Variants in DNAH7 observed in about 807,000 individuals in gnomAD.
DNAH7 encodes the protein axonemal beta dynein heavy chain 7.
Under a neutral mutation model 444.6 loss-of-function variants are expected in DNAH7, and 397 were observed. The observed-to-expected ratio is 0.89, with a 90% confidence interval of 0.82 to 0.97. The LOEUF (loss-of-function observed/expected upper bound fraction) is 0.97. DNAH7 is among the 50% of genes least tolerant of loss of function. The pLI, the probability that DNAH7 is intolerant of heterozygous loss-of-function variation, is 0.00. For synonymous variants in DNAH7, 1,636 were observed against 1,624.4 expected (o/e 1.01, Z -0.17); for missense variants, 4,902 against 4,800.8 (o/e 1.02, Z -0.62).
At chr2:195,749,211 GC>G (rs1693626000) in intron 63 of DNAH7, among the ~76,000 whole-genome samples, 1 of 152,206 alleles carries the variant, frequency 6.6e-6, no homozygotes, top group East Asian at 1.9e-4. Context: ...CATTTATGCA[GC>G]CAAAAACCAC....
rs868362880 is a variant in DNAH7, at chr2:195,941,086, G to A, written c.3079-4294C>T. The stretch of plus-strand genomic sequence containing the variant: ...CCACAAGCACACGTATGTTTATTGC[G>A]GTACTATTCACAATAGCAAAGACTT... On this transcript the variant is annotated intron_variant, in intron 19 of 64. Coordinates refer to ENST00000312428, the MANE Select transcript of DNAH7 (RefSeq NM_018897.3). 3.3e-5 allele frequency among the ~76,000 whole-genome samples: 5 copies of A among 151,962 alleles called. No homozygotes were observed. The East Asian group carries it at 5.8e-4, about 18-fold the overall frequency.
chr2:195,768,180 TATATATATCTTTTATATATATATTATAA>T (rs1311468612), intron 61 of DNAH7, among the ~76,000 whole-genome samples: 1 of 147,838 alleles, frequency 6.8e-6, no homozygotes, highest in Non-Finnish European at 1.5e-5. Context: ...ATATCTTTAA[TATATATATCTTTTATATATATATTATAA>T]ATATATATCT....
At position 196,018,060 on chromosome 2, in the gene DNAH7, AC is replaced by A. The variant is rs1423198417; in HGVS notation, c.869+1109del. Among the ~76,000 whole-genome samples, 3 of 152,158 alleles carry A rather than the reference AC, an allele frequency of 2.0e-5. No homozygotes were observed. The East Asian group carries it at 5.8e-4, about 29-fold the overall frequency. The stretch of plus-strand genomic sequence containing the variant: ...ATTTGTTTCAGGTACTAGACACAGA[AC>A]TGAAACCTCTGTTATTCTAAGAGGT... On this transcript the variant is annotated intron_variant, in intron 9 of 64. Coordinates refer to ENST00000312428, the MANE Select transcript of DNAH7 (RefSeq NM_018897.3).
At chr2:195,865,279 T>C (rs1235625705) in intron 40 of DNAH7, among the ~76,000 whole-genome samples, 1 of 152,170 alleles carries the variant, frequency 6.6e-6, no homozygotes, top group Non-Finnish European at 1.5e-5. Flanking sequence ...CTGAAGCAGA[T>C]GTAGAGATGC....
At position 195,834,259 on chromosome 2, in the gene DNAH7, C is replaced by T; in HGVS notation, c.9047G>A (p.Ser3016Asn). 1 of 1,608,694 alleles carries T rather than the reference C, an allele frequency of 6.2e-7. No homozygotes were observed. The highest frequency in any genetic ancestry group is 8.5e-7 in the Non-Finnish European group (1 of 1,175,856). The change falls in exon 48 of 65, where the codon AGT (serine) becomes AAT (asparagine). Residue 3016 changes from serine to asparagine, a missense_variant. Physicochemically the swap from Ser to Asn is conservative, Grantham distance 46. Coordinates refer to ENST00000312428, the MANE Select transcript of DNAH7 (RefSeq NM_018897.3). ...CAGAGTCCTGACATAGTCAGGTTCA[C>T]TAAGTTTAATCACATAAAGACTATT... Reference protein sequence around the residue: ...KANSLYVIKLSEPDYVRTLEN... With the variant: ...KANSLYVIKLNEPDYVRTLEN...
chr2:195,857,480 T>A lies in DNAH7; in HGVS notation c.8311A>T (p.Asn2771Tyr). The change falls in exon 44 of 65, where the codon AAT (asparagine) becomes TAT (tyrosine). Residue 2771 changes from asparagine to tyrosine, a missense_variant. Physicochemically the swap from Asn to Tyr is moderately radical, Grantham distance 143. Transcript: ENST00000312428. ...ACAAAATCTGGATTTGGAATATAAT[T>A]TTTTCTTATGATATTCATATAAGCT... ...PPAYMNIIRK[N>Y]YIPNPDFVPE... 6.2e-7 allele frequency: 1 copy of A among 1,613,618 alleles called. No homozygotes were observed.
At chr2:196,038,933 G>T (rs1346348388) in intron 5 of DNAH7, among the ~76,000 whole-genome samples, 1 of 152,078 alleles carries the variant, frequency 6.6e-6, no homozygotes, top group African/African-American at 2.4e-5. Flanking sequence ...ACAATAGAAA[G>T]GGACTTTAAT....
At position 195,749,949 on chromosome 2, in the gene DNAH7, T is replaced by A. The variant is rs1424991984; in HGVS notation, c.11764+4388A>T. 7.3e-5 allele frequency among the ~76,000 whole-genome samples: 11 copies of A among 151,690 alleles called. No homozygotes were observed. In the East Asian group the frequency reaches 2.1e-3, roughly 30 times the overall value. ...TATACATATGTAACTAACCTGCACA[T>A]TGTGCACATGTACTCTAAAACTTAA... is the stretch of plus-strand genomic sequence containing the variant. On this transcript the variant is annotated intron_variant, in intron 63 of 64. Coordinates refer to ENST00000312428, the MANE Select transcript of DNAH7 (RefSeq NM_018897.3).
chr2:196,038,819 T>G (rs1607604), intron 5 of DNAH7, among the ~76,000 whole-genome samples: 73,312 of 151,958 alleles, frequency 0.48, 20,341 homozygotes, highest in South Asian at 0.64. Context: ...AAGGGATCAA[T>G]TCACCAAGTA....
chr2:195,813,948 C>T (rs1697102716), intron 51 of DNAH7, among the ~76,000 whole-genome samples: 1 of 152,146 alleles, frequency 6.6e-6, no homozygotes, highest in South Asian at 2.1e-4. Flanking sequence ...ATATCAGACA[C>T]AAAAAAGCAG....
At chr2:195,808,609 T>C in intron 53 of DNAH7, 73 bp downstream of exon 53, 1 of 1,555,682 alleles carries the variant, frequency 6.4e-7, no homozygotes, top group African/African-American at 1.4e-5. Context: ...TAAATCTTGC[T>C]TTTATGAAAA....
chr2:196,055,695 T>C (rs1483737599), intron 2 of DNAH7, among the ~76,000 whole-genome samples: 5 of 152,194 alleles, frequency 3.3e-5, no homozygotes, highest in African/African-American at 1.2e-4. Context: ...CAGAGAGGAA[T>C]GGCTCTGGGA....
At chr2:195,950,963 C>T (rs542459642) in intron 19 of DNAH7, among the ~76,000 whole-genome samples, 1 of 137,054 alleles carries the variant, frequency 7.3e-6, no homozygotes, top group Non-Finnish European at 1.5e-5. Flanking sequence ...TAAGTTATTT[C>T]TTGTCTTCTG....
chr2:195,796,706 G>C lies in DNAH7; in HGVS notation c.10385C>G (p.Ser3462Cys). 1 of 1,614,148 alleles carries C rather than the reference G, an allele frequency of 6.2e-7. No individual in the cohort carries two copies. Among genetic ancestry groups the C allele is most frequent in the Non-Finnish European group, 8.5e-7 (1 of 1,179,998 alleles). Residue 3462 changes from serine to cysteine, a missense_variant, in exon 56 of 65, where the codon TCT becomes TGT. Transcript: ENST00000312428. ...GYGGSKLSSL[S>C]LGQGQGPIAM... The stretch of plus-strand genomic sequence containing the variant: ...AATGGGCCCTTGGCCTTGACCAAGA[G>C]ATAAAGAGCTAAGTTTTGATCCCCC...
intron 63 of DNAH7, among the ~76,000 whole-genome samples, chr2:195,751,786 G>A (rs1261744812): frequency 1.3e-5 from 2 of 152,180 alleles, no homozygotes; most frequent in Admixed American, 6.5e-5. Context: ...ACCATAAGGG[G>A]TCTGGATTTT....
intron 15 of DNAH7, among the ~76,000 whole-genome samples, chr2:195,979,068 T>A (rs1172510898): frequency 6.6e-6 from 1 of 151,854 alleles, no homozygotes; most frequent in Admixed American, 6.6e-5. Context: ...AGATCATTCA[T>A]ACAAAAAAAT....
chr2:195,775,166 G>A (rs755312302), intron 60 of DNAH7, among the ~76,000 whole-genome samples: 1 of 152,192 alleles, frequency 6.6e-6, no homozygotes, highest in Non-Finnish European at 1.5e-5. Context: ...ATTAGCAGAT[G>A]TTCTTCATTA....
At chr2:195,807,537 A>T (rs2124847097) in intron 53 of DNAH7, among the ~76,000 whole-genome samples, 1 of 152,328 alleles carries the variant, frequency 6.6e-6, no homozygotes, top group South Asian at 2.1e-4. Context: ...CAAAACAAGT[A>T]AAAAGGGTAT....
At chr2:196,055,092 C>T (rs1231143883) in intron 2 of DNAH7, among the ~76,000 whole-genome samples, 1 of 152,218 alleles carries the variant, frequency 6.6e-6, no homozygotes, top group African/African-American at 2.4e-5. Flanking sequence ...CAATGGCTCA[C>T]AGCTGTAATC....
Sources: gnomAD v4.1 joint callset for allele counts (sites outside exome capture counted in the v4.1 genomes callset) on GRCh38, gnomAD v4.1.1 for gene constraint, MANE v1.5 for transcripts, NCBI Gene and HGNC (gene_info 2026-07-23, HGNC 2026-07-21) for gene names.